The following RPA2 variants were observed in gnomAD, a reference collection of about 807,000 sequenced individuals.
The protein encoded by RPA2 is replication protein A2, also known as replication protein A 32 kDa subunit.
RPA2 carries 22 observed loss-of-function variants against 33.4 expected under a neutral mutation model. The ratio of observed to expected loss-of-function variants is 0.66; its 90% CI spans 0.47 to 0.94. RPA2 has a LOEUF of 0.94. RPA2 is among the 40% of genes least tolerant of loss of function. The pLI is 0.00. For synonymous variants in RPA2, 109 were observed against 114.9 expected, an observed-to-expected ratio of 0.95 and a Z score of 0.33; for missense variants, 279 against 329.9, an observed-to-expected ratio of 0.85 and a Z score of 1.19.
chr1:27,904,931 C>T (rs2090010034), intron 4 of RPA2, among the ~76,000 whole-genome samples: 1 of 152,112 alleles, frequency 6.6e-6, no homozygotes. Context: ...GGATTACGGG[C>T]GTGAGTCACC....
chr1:27,910,408 A>G (rs1416317499), intron 2 of RPA2, among the ~76,000 whole-genome samples: 2 of 152,224 alleles, frequency 1.3e-5, no homozygotes, highest in Non-Finnish European at 2.9e-5. Flanking sequence ...CAAATCAAGT[A>G]TTTATTTTTT....
At chr1:27,910,414 T>TTTTTA (rs1395181407) in intron 2 of RPA2, among the ~76,000 whole-genome samples, 1 of 152,234 alleles carries the variant, frequency 6.6e-6, no homozygotes, top group African/African-American at 2.4e-5. Flanking sequence ...AAGTATTTAT[T>TTTTTA]TTTTATTGAG....
intron 4 of RPA2, 69 bp from the exon 5 acceptor site, chr1:27,897,776 T>C: frequency 3.6e-6 from 4 of 1,110,584 alleles, no homozygotes; most frequent in Non-Finnish European, 3.8e-6. Flanking sequence ...AACGTTTCTA[T>C]ATTATGTATA....
intron 5 of RPA2, among the ~76,000 whole-genome samples, 148 bp downstream of exon 5, chr1:27,897,479 AAAAAAG>A (rs983010287): frequency 6.6e-6 from 1 of 152,132 alleles, no homozygotes; most frequent in African/African-American, 2.4e-5. Context: ...TTAAAAAAAA[AAAAAAG>A]AAAAGTTATT....
intron 4 of RPA2, among the ~76,000 whole-genome samples, chr1:27,901,394 C>T (rs561927661): frequency 1.3e-3 from 201 of 151,952 alleles, no homozygotes; most frequent in African/African-American, 4.2e-3. Flanking sequence ...GACAGTTTCG[C>T]TCCTGTTGCC....
At chr1:27,900,834 T>A (rs2089958826) in intron 4 of RPA2, among the ~76,000 whole-genome samples, 1 of 152,058 alleles carries the variant, frequency 6.6e-6, no homozygotes, top group Non-Finnish European at 1.5e-5. Context: ...CCAGCTAAAT[T>A]TTTTATTTTT....
At chr1:27,893,003 G>A (rs1316308716) in intron 8 of RPA2, among the ~76,000 whole-genome samples, 1 of 152,212 alleles carries the variant, frequency 6.6e-6, no homozygotes, top group East Asian at 1.9e-4. Context: ...GGACAAGGGT[G>A]TTGGAAGGAC....
At chr1:27,909,086 G>A (rs1462300660) in intron 2 of RPA2, among the ~76,000 whole-genome samples, 2 of 152,160 alleles carry the variant, frequency 1.3e-5, no homozygotes. Context: ...CAGGTAACAG[G>A]CTGAGGGCAA....
chr1:27,905,981 A>G (rs2090023880), intron 4 of RPA2, among the ~76,000 whole-genome samples: 1 of 152,166 alleles, frequency 6.6e-6, no homozygotes, highest in South Asian at 2.1e-4. Flanking sequence ...TGTTGCAAAT[A>G]TTTTCCACAT....
At chr1:27,911,142 G>C (rs2090091187) in intron 2 of RPA2, among the ~76,000 whole-genome samples, 1 of 152,076 alleles carries the variant, frequency 6.6e-6, no homozygotes, top group African/African-American at 2.4e-5. Flanking sequence ...CTTGAACCCA[G>C]GAGGTGGAGG....
chr1:27,914,324 C>T (rs781055372), intron 1 of RPA2, 110 bp downstream of exon 1: 2 of 1,612,562 alleles, frequency 1.2e-6, no homozygotes, highest in Admixed American at 1.7e-5. Flanking sequence ...CCCAGCTCCG[C>T]TCCCGCCCTT....
rs1354409034 is a variant in RPA2 at position 27,897,623 on chromosome 1, C to T, written c.408+10G>A. ...AAAACACTTTAACTGTTATTTTATT[C>T]TGACTTTACCTGAAAAGATCTCAGG... On this transcript the variant is annotated intron_variant, in intron 5 of 8. Transcript: ENST00000373912. The T allele has an allele frequency of 6.3e-7, 1 of 1,585,720 alleles. No individual in the cohort carries two copies. Among genetic ancestry groups the T allele is most frequent in the East Asian group, 2.3e-5 (1 of 43,708 alleles).
chr1:27,908,758 A>C (rs2090062684), intron 2 of RPA2, among the ~76,000 whole-genome samples: 1 of 152,142 alleles, frequency 6.6e-6, no homozygotes, highest in South Asian at 2.1e-4. Context: ...TCGGCCTCTC[A>C]AAGTGTTGGG....
At position 27,893,986 on chromosome 1, in the gene RPA2, T is replaced by C. The variant is rs748484927; in HGVS notation, c.728+26A>G. ...GTGAAATAGGTACAATGCCAGAGCC[T>C]GAGCTCATGAAAATCAAATACTTAC... On this transcript the variant is annotated intron_variant, in intron 8 of 8. Transcript: ENST00000373912. The C allele has an allele frequency of 2.5e-6, 4 of 1,572,750 alleles. No homozygotes were observed. In the South Asian group the frequency reaches 4.4e-5, roughly 17 times the overall value.
intron 4 of RPA2, among the ~76,000 whole-genome samples, chr1:27,904,456 T>C (rs1315819358): frequency 2.0e-5 from 3 of 152,312 alleles, no homozygotes; most frequent in African/African-American, 7.2e-5. Context: ...ACCTCCCTGC[T>C]TGATGGCAGG....
chr1:27,911,077 A>G (rs908721270), intron 2 of RPA2, among the ~76,000 whole-genome samples: 2 of 151,848 alleles, frequency 1.3e-5, no homozygotes, highest in Non-Finnish European at 2.9e-5. Flanking sequence ...TTGGCCAGGA[A>G]TGGTGGCATG....
rs1380525941 is a variant in RPA2 at position 27,914,525 on chromosome 1, T to C, written c.-82A>G. ...GAAAACCACAGAACGCGGCCGCCAC[T>C]GCGCCGCTCTGGCTACTTTTCTCTG... On this transcript the variant is annotated 5_prime_UTR_variant, in exon 1 of 9. Transcript: ENST00000373912. 1 of 1,604,568 alleles carries C rather than the reference T, an allele frequency of 6.2e-7. No individual in the cohort carries two copies. The highest frequency in any genetic ancestry group is 8.5e-7 in the Non-Finnish European group (1 of 1,175,954).
At chr1:27,902,147 C>T (rs552483295) in intron 4 of RPA2, among the ~76,000 whole-genome samples, 29 of 152,078 alleles carry the variant, frequency 1.9e-4, no homozygotes, top group African/African-American at 6.0e-4. Context: ...AGGGCAGTGA[C>T]GCAATCTTGA....
In RPA2 at chr1:27,894,013, T is replaced by G. The variant is rs1168426964; in HGVS notation, c.727A>C (p.Lys243Gln). ...QLKHMSVSSI[K>Q]QAVDFLSNEG... ...AGCTCATGAAAATCAAATACTTACT[T>G]GATTGAGGATACAGACATGTGTTTC... Residue 243 changes from lysine (K) to glutamine (Q), a missense_variant and splice_region_variant, in exon 8 of 9, where the codon AAG becomes CAG. Physicochemically the swap from Lys to Gln is moderately conservative, Grantham distance 53 (BLOSUM62 1). Coordinates refer to ENST00000373912, the MANE Select transcript of RPA2 (RefSeq NM_002946.5). The G allele has an allele frequency of 6.2e-7, 1 of 1,612,644 alleles. No homozygotes were observed. Among genetic ancestry groups the G allele is most frequent in the Non-Finnish European group, 8.5e-7 (1 of 1,178,640 alleles).
Sources: allele counts gnomAD v4.1 joint callset (sites outside exome capture counted in the v4.1 genomes callset), GRCh38; gene constraint gnomAD v4.1.1; transcripts MANE v1.5; gene names NCBI Gene and HGNC (gene_info 2026-07-23, HGNC 2026-07-21).